TRAPPC12: variants seen among roughly 807,000 people sequenced by gnomAD.
TRAPPC12 encodes the protein TPR repeat protein 15.
TRAPPC12 carries 61 observed loss-of-function variants against 69.2 expected under a neutral mutation model. The ratio of observed to expected loss-of-function variants is 0.88; its 90% CI spans 0.72 to 1.09. The LOEUF is 1.09. Ranked by LOEUF, TRAPPC12 falls within the 50% of genes least tolerant of loss-of-function variation. The probability of loss-of-function intolerance (pLI) is 0.00; values close to 1 mark genes in which losing one functional copy is unlikely to be tolerated. For synonymous variants in TRAPPC12, 469 were observed against 438.9 expected, an observed-to-expected ratio of 1.07 and a Z score of -0.86; for missense variants, 1,101 against 1,016.4, an observed-to-expected ratio of 1.08 and a Z score of -1.13.
At chr2:3,434,559 A>G (rs1028174919) in intron 5 of TRAPPC12, among the ~76,000 whole-genome samples, 5 of 152,232 alleles carry the variant, frequency 3.3e-5, no homozygotes, top group Admixed American at 3.3e-4. Flanking sequence ...AAACAATGAC[A>G]GCATATTTAA....
chr2:3,419,950 G>A (rs939518438), intron 3 of TRAPPC12, among the ~76,000 whole-genome samples: 2 of 152,208 alleles, frequency 1.3e-5, no homozygotes, highest in African/African-American at 4.8e-5. Flanking sequence ...ACAGCTTGGC[G>A]GCCTCCTACA....
chr2:3,452,827 A>G (rs1313703326), intron 6 of TRAPPC12, among the ~76,000 whole-genome samples: 14 of 152,244 alleles, frequency 9.2e-5, no homozygotes, highest in Admixed American at 9.2e-4. Flanking sequence ...CCACAGGGAA[A>G]ATCCGAGGCA....
intron 3 of TRAPPC12, among the ~76,000 whole-genome samples, chr2:3,410,027 G>C (rs1416683629): frequency 6.6e-6 from 1 of 152,144 alleles, no homozygotes; most frequent in Non-Finnish European, 1.5e-5. Context: ...GGTGGAAAGG[G>C]CTGCCCAGAC....
At chr2:3,381,816 C>G (rs1660224913) in intron 1 of TRAPPC12, among the ~76,000 whole-genome samples, 1 of 152,236 alleles carries the variant, frequency 6.6e-6, no homozygotes, top group Admixed American at 6.5e-5. Flanking sequence ...ACCCCTCCCT[C>G]ACTAAAGTGG....
chr2:3,475,234 G>A (rs941771831), intron 9 of TRAPPC12, among the ~76,000 whole-genome samples: 2 of 152,112 alleles, frequency 1.3e-5, no homozygotes, highest in African/African-American at 4.8e-5. Context: ...GGGGACCACA[G>A]TGCTTACGGC....
chr2:3,426,981 C>T (rs1001411860), intron 5 of TRAPPC12, among the ~76,000 whole-genome samples: 1 of 152,148 alleles, frequency 6.6e-6, no homozygotes, highest in Non-Finnish European at 1.5e-5. Flanking sequence ...TCATCCTTTC[C>T]GTGTAAGACC....
intron 3 of TRAPPC12, among the ~76,000 whole-genome samples, chr2:3,405,009 G>A (rs113874557): frequency 2.6e-5 from 4 of 152,000 alleles, no homozygotes; most frequent in Non-Finnish European, 2.9e-5. Flanking sequence ...AATGAAAATC[G>A]AATCCAGCAC....
intron 6 of TRAPPC12, among the ~76,000 whole-genome samples, chr2:3,452,817 C>T (rs147122469): frequency 6.6e-6 from 1 of 152,326 alleles, no homozygotes; most frequent in East Asian, 1.9e-4. Flanking sequence ...GAAAGAGAAA[C>T]CACAGGGAAA....
Position 3,388,178 on chromosome 2 carries a change from C to T in TRAPPC12, c.555C>T (p.Phe185=), listed in dbSNP as rs775069914. 2.5e-6 allele frequency: 4 copies of T among 1,608,666 alleles called. No homozygotes were observed. Among genetic ancestry groups the T allele is most frequent in the Non-Finnish European group, 3.4e-6 (4 of 1,177,624 alleles). Residue 185 remains phenylalanine (F), a synonymous_variant, in exon 2 of 12, where the codon TTC becomes TTT. Transcript: ENST00000324266. ...FEPQMVKSPS[F]GGASEASART... is the part of the protein sequence containing the mutation. Reference sequence around the variant, plus strand: ...CGCAGATGGTGAAGTCGCCCAGCTTCGGTGGCGCCAGCGAGGCCTCGGCCA... The same window carrying T: ...CGCAGATGGTGAAGTCGCCCAGCTTTGGTGGCGCCAGCGAGGCCTCGGCCA...
At chr2:3,410,522 TTTGCAAAGCCC>T (rs1279408725) in intron 3 of TRAPPC12, among the ~76,000 whole-genome samples, 1 of 152,238 alleles carries the variant, frequency 6.6e-6, no homozygotes, top group African/African-American at 2.4e-5. Context: ...GTACTTTATG[TTTGCAAAGCCC>T]TTGCAAATAA....
chr2:3,418,530 T>C (rs1662580983), intron 3 of TRAPPC12, among the ~76,000 whole-genome samples: 1 of 152,176 alleles, frequency 6.6e-6, no homozygotes, highest in African/African-American at 2.4e-5. Flanking sequence ...GAATAAACAT[T>C]GTAGACTTCC....
At chr2:3,467,775 C>T (rs1489684400) in intron 9 of TRAPPC12, 3 of 152,422 alleles carry the variant, frequency 2.0e-5, no homozygotes, top group East Asian at 1.9e-4. Context: ...TGAAACACTC[C>T]TGGGTGCACC....
At chr2:3,417,301 T>C (rs773246171) in intron 3 of TRAPPC12, among the ~76,000 whole-genome samples, 1 of 152,174 alleles carries the variant, frequency 6.6e-6, no homozygotes, top group Non-Finnish European at 1.5e-5. Context: ...TGGGTCTCTC[T>C]CACCCTCTAG....
chr2:3,394,287 T>C (rs1660989525), intron 2 of TRAPPC12, among the ~76,000 whole-genome samples: 2 of 152,058 alleles, frequency 1.3e-5, no homozygotes, highest in African/African-American at 2.4e-5. Context: ...AGTCTTTAGG[T>C]AGGCGACCAT....
chr2:3,469,102 A>G (rs1276662701), intron 9 of TRAPPC12, among the ~76,000 whole-genome samples: 1 of 152,240 alleles, frequency 6.6e-6, no homozygotes, highest in Non-Finnish European at 1.5e-5. Context: ...CAGAGTGTTC[A>G]GCCACGGTTA....
chr2:3,401,752 C>T, intron 2 of TRAPPC12, 25 bp from the exon 3 acceptor site: 7 of 1,470,040 alleles, frequency 4.8e-6, no homozygotes, highest in Non-Finnish European at 6.4e-6. Flanking sequence ...ATTGTCTTGA[C>T]ATATTTTTCT....
intron 2 of TRAPPC12, chr2:3,389,671 G>A (rs1234457255): frequency 6.4e-6 from 3 of 471,164 alleles, no homozygotes; most frequent in South Asian, 4.6e-5. Context: ...CGAAGGGGGT[G>A]GGGGATGGAG....
At position 3,432,142 on chromosome 2, in the gene TRAPPC12, A is replaced by G. The variant is rs145293080; in HGVS notation, c.1417+7479A>G. Among the ~76,000 whole-genome samples the G allele has an allele frequency of 2.9e-3, 440 of 152,366 alleles. 1 individual carries two copies. The highest frequency in any genetic ancestry group is 4.4e-3 in the Non-Finnish European group (296 of 68,042). On this transcript the variant is annotated intron_variant, in intron 5 of 11. Transcript: ENST00000324266. ...ATAAAGCAGCTTGATTATCTTCACT[A>G]TGCAGTTTAAGAAGTATAGTGCTGC...
At chr2:3,457,450 AAAAT>A (rs1465589761) in intron 6 of TRAPPC12, among the ~76,000 whole-genome samples, 167 bp from the exon 7 acceptor site, 1 of 152,244 alleles carries the variant, frequency 6.6e-6, no homozygotes, top group Non-Finnish European at 1.5e-5. Flanking sequence ...GTTGCAATTT[AAAAT>A]AAATAAAATA....
Sources: allele counts gnomAD v4.1 joint callset (sites outside exome capture counted in the v4.1 genomes callset), GRCh38; gene constraint gnomAD v4.1.1; transcripts MANE v1.5; gene names NCBI Gene and HGNC (gene_info 2026-07-23, HGNC 2026-07-21).